Variants in DCLRE1C observed in about 807,000 individuals in gnomAD.
DCLRE1C encodes DNA cross-link repair 1C.
A neutral mutation model predicts 61.4 loss-of-function variants in DCLRE1C; 47 were observed. The observed-to-expected ratio is 0.77, with a 90% CI of 0.61 to 0.98. The LOEUF (loss-of-function observed/expected upper bound fraction) is 0.98. Among genes scored for constraint, DCLRE1C ranks in the 50% least tolerant of loss-of-function variants. The pLI is 0.00. For synonymous variants in DCLRE1C, 337 were observed against 287.6 expected, an observed-to-expected ratio of 1.17 and a Z score of -1.74; for missense variants, 858 against 816.0, an observed-to-expected ratio of 1.05 and a Z score of -0.63.
Position 14,936,556 on chromosome 10 carries a change from T to C in DCLRE1C, c.344A>G (p.His115Arg). The C allele has an allele frequency of 6.2e-7, 1 of 1,613,310 alleles. No homozygotes were observed. The highest frequency in any genetic ancestry group is 8.5e-7 in the Non-Finnish European group (1 of 1,179,354). The change falls in exon 5 of 14, where the codon CAC becomes CGC. Residue 115 changes from histidine to arginine, a missense_variant. His to Arg is a conservative substitution (Grantham distance 29). Coordinates refer to ENST00000378278, the MANE Select transcript of DCLRE1C (RefSeq NM_001033855.3). Reference sequence around the variant, plus strand: ...CCCTTACATAACTGATCCCGGACAGTGACCAGCTGGTAAGAGAGTCACAAC... The same window carrying C: ...CCCTTACATAACTGATCCCGGACAGCGACCAGCTGGTAAGAGAGTCACAAC... ...EIVVTLLPAG[H>R]CPGSVMFLFQ... is the part of the protein sequence containing the mutation.
At chr10:14,943,303 T>C (rs7906952) in intron 3 of DCLRE1C, among the ~76,000 whole-genome samples, 123,514 of 151,882 alleles carry the variant, frequency 0.81, 50,851 homozygotes, top group African/African-American at 0.94. Flanking sequence ...TTCAGCTGGA[T>C]GCTATTTTGT....
chr10:14,952,708 C>G (rs1384708295), intron 1 of DCLRE1C, among the ~76,000 whole-genome samples: 1 of 151,652 alleles, frequency 6.6e-6, no homozygotes, highest in Admixed American at 6.6e-5. Flanking sequence ...GACCCTGTCT[C>G]CAAAAAAAAG....
intron 10 of DCLRE1C, 65 bp from the exon 11 acceptor site, chr10:14,926,962 G>A (rs1186288382): frequency 9.3e-6 from 13 of 1,402,634 alleles, no homozygotes; most frequent in Non-Finnish European, 1.3e-5. Context: ...AGCAAAGCTG[G>A]CCCTTCTCAT....
At chr10:14,943,924 A>G (rs1841275115) in intron 3 of DCLRE1C, among the ~76,000 whole-genome samples, 1 of 152,110 alleles carries the variant, frequency 6.6e-6, no homozygotes, top group Non-Finnish European at 1.5e-5. Flanking sequence ...TCCTATATAT[A>G]GTCATATATA....
intron 13 of DCLRE1C, among the ~76,000 whole-genome samples, chr10:14,910,543 C>G (rs913520261): frequency 6.6e-6 from 1 of 152,184 alleles, no homozygotes; most frequent in African/African-American, 2.4e-5. Context: ...AATCCACCCC[C>G]TCGGCCTCCC....
intron 6 of DCLRE1C, 144 bp downstream of exon 6, chr10:14,935,319 A>G: frequency 1.2e-6 from 1 of 860,028 alleles, no homozygotes. Flanking sequence ...ATACAAAATT[A>G]GCTGGGCGTG....
chr10:14,934,540 G>C lies in DCLRE1C; in HGVS notation c.538-20C>G. ...CTCCTCCTAGACAGGATTTTAAAGA[G>C]ACATTTAACAGGTGGAGAGCCGCAC... is the stretch of plus-strand genomic sequence containing the variant. On this transcript the variant is annotated intron_variant, in intron 7 of 13. Transcript: ENST00000378278. 1.9e-6 allele frequency: 3 copies of C among 1,614,084 alleles called. No individual in the cohort carries two copies. The highest frequency in any genetic ancestry group is 2.5e-6 in the Non-Finnish European group (3 of 1,180,030).
At chr10:14,952,386 G>A (rs1564491951) in intron 1 of DCLRE1C, among the ~76,000 whole-genome samples, 1 of 152,056 alleles carries the variant, frequency 6.6e-6, no homozygotes, top group East Asian at 1.9e-4. Flanking sequence ...CCAGGAGTTC[G>A]AGACCAGCCT....
chr10:14,929,581 A>G (rs955343624), intron 9 of DCLRE1C, among the ~76,000 whole-genome samples: 2 of 149,142 alleles, frequency 1.3e-5, no homozygotes, highest in Non-Finnish European at 3.0e-5. Flanking sequence ...GGTCGAGGCT[A>G]CAGTGAGCAA....
chr10:14,901,080 A>C, downstream of DCLRE1C: 1 of 1,588,544 alleles, frequency 6.3e-7, no homozygotes, highest in East Asian at 2.3e-5. Context: ...TGGCATGTAG[A>C]AGGGCTTGTT....
intron 1 of DCLRE1C, among the ~76,000 whole-genome samples, chr10:14,952,058 T>C (rs1012861567): frequency 6.6e-6 from 1 of 152,204 alleles, no homozygotes; most frequent in Middle Eastern, 3.2e-3. Context: ...TTATAGACTG[T>C]TCAACAGTAG....
At position 14,944,138 on chromosome 10, in the gene DCLRE1C, G is replaced by A. The variant is rs150090459; in HGVS notation, c.246+967C>T. 8.6e-3 allele frequency among the ~76,000 whole-genome samples: 1,313 copies of A among 152,222 alleles called. 19 individuals carry two copies. The highest frequency in any genetic ancestry group is 0.03 in the African/African-American group (1,243 of 41,546). ...CTCTATCCCACAATTTAAATAAAAGGATTTAGCAATTATGTTAATGAACAC... is the reference window on the plus strand; with the variant it reads ...CTCTATCCCACAATTTAAATAAAAGAATTTAGCAATTATGTTAATGAACAC... On this transcript the variant is annotated intron_variant, in intron 3 of 13. Transcript: ENST00000378278.
In DCLRE1C at chr10:14,908,785, C is replaced by A; in HGVS notation, c.1702G>T (p.Gly568Trp). ...GCTTTGTCCAAGGAAGTAATATCCC[C>A]ACTGTTTCTCTCTTGGGAAGATAAC... ...VLLSSQERNSGDITSLDKADY... is the reference protein window; with the variant it reads ...VLLSSQERNSWDITSLDKADY... Residue 568 changes from glycine to tryptophan, a missense_variant, in exon 14 of 14, where the codon GGG becomes TGG. By Grantham distance (184) the Gly-to-Trp change is radical. This residue lies in a region of DCLRE1C where 843 missense variants were observed against 783.5 expected (regional missense o/e 1.08). Coordinates refer to ENST00000378278, the MANE Select transcript of DCLRE1C (RefSeq NM_001033855.3). 1.2e-6 allele frequency: 2 copies of A among 1,614,184 alleles called. No homozygotes were observed. The highest frequency in any genetic ancestry group is 2.2e-5 in the South Asian group (2 of 91,078).
rs1034251980 is a variant in DCLRE1C, at chr10:14,906,469, TCA to T, written c.*1937_*1938del. Among the ~76,000 whole-genome samples, 4 of 152,218 alleles carry T rather than the reference TCA, an allele frequency of 2.6e-5. No individual in the cohort carries two copies. Among genetic ancestry groups the T allele is most frequent in the Non-Finnish European group, 5.9e-5 (4 of 68,048 alleles). On this transcript the variant is annotated 3_prime_UTR_variant, in exon 14 of 14. Transcript: ENST00000378278. ...TGATTATAAAATAACAGGAATATAT[TCA>T]GAGGAATGTTTACAGGCATTTTTTG... is the stretch of plus-strand genomic sequence containing the variant.
At chr10:14,948,461 G>A (rs1040565618) in intron 2 of DCLRE1C, among the ~76,000 whole-genome samples, 1 of 152,104 alleles carries the variant, frequency 6.6e-6, no homozygotes, top group Admixed American at 6.6e-5. Context: ...CTTTACAATG[G>A]AACAGCCATT....
rs755708676 is a variant in DCLRE1C at position 14,919,898 on chromosome 10, T to C, written c.1062-66A>G. Reference sequence around the variant, plus strand: ...GTTGTTAGAAGGTAGACATCATTGATAGTATTACAAATTTTTTTGATTTTG... The same window carrying C: ...GTTGTTAGAAGGTAGACATCATTGACAGTATTACAAATTTTTTTGATTTTG... On this transcript the variant is annotated intron_variant, in intron 12 of 13. Transcript: ENST00000378278. The C allele has an allele frequency of 6.2e-6, 8 of 1,286,726 alleles. No homozygotes were observed. The South Asian group carries it at 7.2e-5, about 12-fold the overall frequency. The allele number at this position is 1,286,726 out of a possible 1,614,324, so 79.7% of individuals were successfully genotyped here.
At position 14,935,337 on chromosome 10, in the gene DCLRE1C, G is replaced by A. The variant is rs188008924; in HGVS notation, c.464+126C>T. ...CAAAATTAGCTGGGCGTGGTGGCAC[G>A]TACCTGTTATCCCAGCTACTTGGGA... On this transcript the variant is annotated intron_variant, in intron 6 of 13. Transcript: ENST00000378278. The A allele has an allele frequency of 9.0e-4, 934 of 1,036,408 alleles. 3 individuals carry two copies. The African/African-American group carries it at 0.013, about 14-fold the overall frequency. 64.2% of individuals were successfully genotyped at this position (1,036,408 alleles called of 1,614,324 possible). A position where few individuals can be genotyped will look rare whatever the true frequency, so the allele number is the denominator to read the frequency against.
chr10:14,926,764 A>C (rs1589009946), intron 11 of DCLRE1C, 79 bp downstream of exon 11: 3 of 1,117,614 alleles, frequency 2.7e-6, no homozygotes, highest in Non-Finnish European at 1.4e-6. Flanking sequence ...TGCTTCTGAG[A>C]GTCAGGGGAC....
At chr10:14,951,461 A>G (rs1490933160) in intron 1 of DCLRE1C, among the ~76,000 whole-genome samples, 2 of 151,196 alleles carry the variant, frequency 1.3e-5, no homozygotes, top group Non-Finnish European at 2.9e-5. Flanking sequence ...TTTTTCTAGC[A>G]AAAGAGTCCA....
Sources: allele counts gnomAD v4.1 joint callset (sites outside exome capture counted in the v4.1 genomes callset), GRCh38; gene constraint gnomAD v4.1.1; regional missense constraint gnomAD v4.1.1; transcripts MANE v1.5; gene names NCBI Gene and HGNC (gene_info 2026-07-23, HGNC 2026-07-21).